Variants in EDAR observed in about 807,000 individuals in gnomAD.
The protein encoded by EDAR is tumor necrosis factor receptor superfamily member EDAR.
Under a neutral mutation model 51.3 loss-of-function variants are expected in EDAR, and 38 were observed. That is an observed-to-expected ratio of 0.74 (90% CI 0.57 to 0.97). The LOEUF is 0.97. Among genes scored for constraint, EDAR ranks in the 50% least tolerant of loss-of-function variants. The pLI, the probability that EDAR is intolerant of heterozygous loss-of-function variation, is 0.00. For synonymous variants in EDAR, 227 were observed against 242.1 expected, an observed-to-expected ratio of 0.94 and a Z score of 0.58; for missense variants, 528 against 595.0, an observed-to-expected ratio of 0.89 and a Z score of 1.17.
chr2:108,976,756 CTTT>C (rs1698329209), intron 1 of EDAR, among the ~76,000 whole-genome samples: 1 of 152,110 alleles, frequency 6.6e-6, no homozygotes, highest in Non-Finnish European at 1.5e-5. Context: ...ACTGGGAGCT[CTTT>C]TAGTTGGTTT....
At chr2:108,904,217 CAT>C (rs959119471) in intron 11 of EDAR, among the ~76,000 whole-genome samples, 3 of 151,974 alleles carry the variant, frequency 2.0e-5, no homozygotes, top group Non-Finnish European at 2.9e-5. Context: ...CACAAGAAAA[CAT>C]ATTTAAACAA....
rs1696904314 is a variant in EDAR at position 108,910,508 on chromosome 2, T to G, written c.755A>C (p.Lys252Thr). 1 of 1,613,776 alleles carries G rather than the reference T, an allele frequency of 6.2e-7. No homozygotes were observed. The highest frequency in any genetic ancestry group is 8.5e-7 in the Non-Finnish European group (1 of 1,179,894). The change falls in exon 9 of 12, where the codon AAG (lysine) becomes ACG (threonine). Residue 252 changes from lysine (K) to threonine (T), a missense_variant. Transcript: ENST00000258443. ...APDNVVMFSE[K>T]DEFEKLTATP... is the part of the protein sequence containing the mutation. ...TGCTGTCAGCTTCTCAAATTCATCC[T>G]TCTCGGAGAACATCACCACGTTGTC...
At chr2:108,919,365 T>A (rs1697089639) in intron 5 of EDAR, among the ~76,000 whole-genome samples, 1 of 152,142 alleles carries the variant, frequency 6.6e-6, no homozygotes, top group African/African-American at 2.4e-5. Flanking sequence ...TTTTATTTAT[T>A]TATTTATTTA....
intron 10 of EDAR, among the ~76,000 whole-genome samples, chr2:108,907,228 T>C (rs927218557): frequency 2.6e-5 from 4 of 152,172 alleles, no homozygotes; most frequent in African/African-American, 9.7e-5. Context: ...GTCTAGAAAA[T>C]TGTCTGGTTA....
intron 1 of EDAR, among the ~76,000 whole-genome samples, chr2:108,962,451 A>G (rs1698066315): frequency 6.6e-6 from 1 of 152,064 alleles, no homozygotes; most frequent in African/African-American, 2.4e-5. Context: ...AGGCTGGTGG[A>G]TCATGAGGTC....
intron 5 of EDAR, among the ~76,000 whole-genome samples, chr2:108,920,032 G>A: frequency 6.6e-6 from 1 of 152,192 alleles, no homozygotes; most frequent in East Asian, 1.9e-4. Context: ...TGAGCAAGTG[G>A]CACCATGTCC....
intron 11 of EDAR, among the ~76,000 whole-genome samples, chr2:108,900,082 A>T (rs1488466665): frequency 6.6e-6 from 1 of 152,222 alleles, no homozygotes; most frequent in Non-Finnish European, 1.5e-5. Flanking sequence ...AAAGAGATAA[A>T]ATCAAAATGT....
chr2:108,914,274 A>G (rs1422531765), intron 5 of EDAR, among the ~76,000 whole-genome samples: 3 of 151,990 alleles, frequency 2.0e-5, no homozygotes, highest in African/African-American at 7.2e-5. Flanking sequence ...AAAAAATAAA[A>G]TAAAAATAAA....
intron 9 of EDAR, among the ~76,000 whole-genome samples, chr2:108,908,438 C>T (rs1353377908): frequency 2.0e-5 from 3 of 152,186 alleles, no homozygotes; most frequent in East Asian, 3.9e-4. Flanking sequence ...CAGATTGATG[C>T]AGCTGGCGCT....
intron 6 of EDAR, 108 bp downstream of exon 6, chr2:108,912,569 TG>T: frequency 9.5e-7 from 1 of 1,057,560 alleles, no homozygotes; most frequent in Non-Finnish European, 1.4e-6. Context: ...TGAGGCCAGG[TG>T]GGGAAGCGCA....
chr2:108,924,893 G>A (rs1697223139), intron 4 of EDAR, among the ~76,000 whole-genome samples: 1 of 152,244 alleles, frequency 6.6e-6, no homozygotes, highest in Admixed American at 6.5e-5. Flanking sequence ...TCACGGGCAT[G>A]TGGGCCAGAC....
intron 1 of EDAR, among the ~76,000 whole-genome samples, chr2:108,964,443 A>T (rs2104415674): frequency 6.6e-6 from 1 of 152,256 alleles, no homozygotes; most frequent in East Asian, 1.9e-4. Flanking sequence ...CTTTCCCTAA[A>T]CTGAAGAGGA....
At chr2:108,953,638 T>C (rs1476976376) in intron 1 of EDAR, among the ~76,000 whole-genome samples, 1 of 152,142 alleles carries the variant, frequency 6.6e-6, no homozygotes, top group Non-Finnish European at 1.5e-5. Context: ...GATGATTTTC[T>C]AGGAAGACTA....
intron 1 of EDAR, among the ~76,000 whole-genome samples, chr2:108,981,299 C>T (rs938340695): frequency 6.6e-6 from 1 of 152,198 alleles, no homozygotes; most frequent in African/African-American, 2.4e-5. Flanking sequence ...AGAGCCGCAC[C>T]CGCCCCAGGT....
chr2:108,973,196 C>T (rs1698265431), intron 1 of EDAR, among the ~76,000 whole-genome samples: 1 of 152,180 alleles, frequency 6.6e-6, no homozygotes, highest in African/African-American at 2.4e-5. Flanking sequence ...CCATGTTGGC[C>T]AGGCTGGTGT....
At chr2:108,986,396 T>C (rs1698501330) in intron 1 of EDAR, among the ~76,000 whole-genome samples, 1 of 152,114 alleles carries the variant, frequency 6.6e-6, no homozygotes, top group Non-Finnish European at 1.5e-5. Flanking sequence ...GAGTGTTTGC[T>C]TACTCCACTC....
intron 1 of EDAR, among the ~76,000 whole-genome samples, chr2:108,979,422 G>GCC (rs1232238579): frequency 2.3e-5 from 1 of 43,136 alleles, no homozygotes; most frequent in Non-Finnish European, 1.1e-4. Flanking sequence ...TTTGGTTGCT[G>GCC]TCTCTCTCTC....
At chr2:108,931,084 G>A in intron 1 of EDAR, 52 bp from the exon 2 acceptor site, 13 of 1,511,270 alleles carry the variant, frequency 8.6e-6, no homozygotes, top group South Asian at 1.1e-5. Flanking sequence ...CCCAGCCGGG[G>A]GTCTGGCTAC....
intron 1 of EDAR, among the ~76,000 whole-genome samples, chr2:108,934,374 T>G (rs2105456537): frequency 6.6e-6 from 1 of 152,260 alleles, no homozygotes; most frequent in African/African-American, 2.4e-5. Context: ...TGTTTTACTT[T>G]GGGGATCCCC....
Sources: allele counts gnomAD v4.1 joint callset (sites outside exome capture counted in the v4.1 genomes callset), GRCh38; gene constraint gnomAD v4.1.1; transcripts MANE v1.5; gene names NCBI Gene and HGNC (gene_info 2026-07-23, HGNC 2026-07-21).